The following ARL15 variants were observed in gnomAD, a reference collection of about 807,000 sequenced individuals.
ARL15 encodes ARF like GTPase 15.
In ARL15, 19 loss-of-function variants were observed where a neutral mutation model predicts 25.2. The ratio of observed to expected loss-of-function variants is 0.75; its 90% CI spans 0.53 to 1.10. The LOEUF is 1.10. Among genes scored for constraint, ARL15 ranks in the 50% least tolerant of loss-of-function variants. The pLI is 0.00. For synonymous variants in ARL15, 94 were observed against 86.8 expected (o/e 1.08, Z -0.46); for missense variants, 220 against 246.0 (o/e 0.89, Z 0.71).
intron 4 of ARL15, among the ~76,000 whole-genome samples, chr5:53,902,346 G>A (rs1437138933): frequency 1.3e-5 from 2 of 152,116 alleles, no homozygotes; most frequent in East Asian, 1.9e-4. Context: ...ACTGTCAATT[G>A]GCCAACTCAA....
intron 1 of ARL15, among the ~76,000 whole-genome samples, chr5:54,198,877 C>G (rs1029937814): frequency 2.6e-5 from 4 of 152,076 alleles, no homozygotes; most frequent in Admixed American, 2.0e-4. Context: ...GGAGGCATCA[C>G]GCTATCTGAC....
At chr5:54,029,092 A>G (rs972978824) in intron 4 of ARL15, among the ~76,000 whole-genome samples, 2 of 151,940 alleles carry the variant, frequency 1.3e-5, no homozygotes, top group African/African-American at 4.8e-5. Context: ...GTTGTTTTAG[A>G]TTGCAGGTTC....
At chr5:54,055,352 CTTTTTTTTT>C (rs147040538) in intron 4 of ARL15, among the ~76,000 whole-genome samples, 13 of 55,360 alleles carry the variant, frequency 2.3e-4, no homozygotes, top group Non-Finnish European at 2.2e-4. Context: ...ATCATCATTC[CTTTTTTTTT>C]TTTTTTTTTT....
intron 4 of ARL15, among the ~76,000 whole-genome samples, chr5:53,926,093 A>G (rs1196086722): frequency 2.7e-5 from 4 of 147,876 alleles, no homozygotes; most frequent in Non-Finnish European, 5.9e-5. Context: ...CAAGTATCTT[A>G]TTGTATCAGG....
intron 2 of ARL15, among the ~76,000 whole-genome samples, chr5:54,156,870 A>G (rs1214912610): frequency 6.6e-6 from 1 of 152,192 alleles, no homozygotes; most frequent in Non-Finnish European, 1.5e-5. Context: ...GCCTGCAGGA[A>G]AGCCTCTCCA....
At chr5:54,163,354 AGCTTTTTTTTT>A (rs1425089874) in intron 2 of ARL15, among the ~76,000 whole-genome samples, 2 of 63,092 alleles carry the variant, frequency 3.2e-5, no homozygotes, top group East Asian at 5.1e-4. Flanking sequence ...ATTGGTATGA[AGCTTTTTTTTT>A]TTTTTTTTTT....
chr5:53,967,272 C>T (rs1278039711), intron 4 of ARL15, among the ~76,000 whole-genome samples: 2 of 152,060 alleles, frequency 1.3e-5, no homozygotes, highest in Admixed American at 6.6e-5. Flanking sequence ...CTTAGACTTC[C>T]GTGTACACAC....
At chr5:54,224,804 A>T (rs183608079) in intron 1 of ARL15, among the ~76,000 whole-genome samples, 40 of 152,064 alleles carry the variant, frequency 2.6e-4, no homozygotes, top group African/African-American at 8.7e-4. Context: ...CCAATGTTTT[A>T]AAAAAAATAA....
intron 4 of ARL15, among the ~76,000 whole-genome samples, chr5:53,975,371 A>G (rs542520933): frequency 2.0e-5 from 3 of 152,256 alleles, no homozygotes; most frequent in African/African-American, 7.2e-5. Flanking sequence ...TAATCTAAGC[A>G]CTGTATTCAA....
intron 4 of ARL15, among the ~76,000 whole-genome samples, chr5:53,964,071 T>G (rs1166299878): frequency 6.6e-6 from 1 of 152,154 alleles, no homozygotes; most frequent in African/African-American, 2.4e-5. Context: ...AGGCCAACTG[T>G]GCAGAATACT....
At chr5:54,295,260 C>A (rs925627595) in intron 1 of ARL15, among the ~76,000 whole-genome samples, 2 of 152,112 alleles carry the variant, frequency 1.3e-5, no homozygotes, top group Admixed American at 6.5e-5. Context: ...ACAGGAAGAA[C>A]TCAGAAGACA....
intron 1 of ARL15, among the ~76,000 whole-genome samples, chr5:54,245,634 C>T (rs1408614615): frequency 6.6e-6 from 1 of 152,006 alleles, no homozygotes; most frequent in Non-Finnish European, 1.5e-5. Flanking sequence ...GCTGTCCAGG[C>T]TAGAGTGCAC....
At chr5:54,123,765 A>ATC (rs1181501408) in intron 3 of ARL15, among the ~76,000 whole-genome samples, 7 of 152,216 alleles carry the variant, frequency 4.6e-5, no homozygotes, top group Non-Finnish European at 1.0e-4. Flanking sequence ...CCAACCTTCT[A>ATC]TCTTATGCTC....
rs879811735 is a variant in ARL15, at chr5:54,253,593, AT to A, written c.48+56838del. 3.1e-3 allele frequency among the ~76,000 whole-genome samples: 460 copies of A among 148,096 alleles called. 2 individuals are homozygous for A. Among genetic ancestry groups the A allele is most frequent in the African/African-American group, 9.8e-3 (398 of 40,488 alleles). ...TTATGTAATTGACTTAAGGAATCAG[AT>A]TTTTTTTTTTTCTTTGAGACAGGGT... On this transcript the variant is annotated intron_variant, in intron 1 of 4. Transcript: ENST00000504924.
At chr5:54,247,597 C>T (rs977828600) in intron 1 of ARL15, among the ~76,000 whole-genome samples, 20 of 150,820 alleles carry the variant, frequency 1.3e-4, no homozygotes, top group African/African-American at 4.6e-4. Context: ...AAAAAAAACC[C>T]GAACACGTTT....
intron 1 of ARL15, among the ~76,000 whole-genome samples, chr5:54,243,045 C>T (rs1484468821): frequency 6.6e-6 from 1 of 152,136 alleles, no homozygotes; most frequent in Non-Finnish European, 1.5e-5. Context: ...ATTGCTACAA[C>T]AATTTTTGAA....
intron 4 of ARL15, among the ~76,000 whole-genome samples, chr5:54,040,950 C>T (rs574133511): frequency 9.9e-4 from 150 of 152,270 alleles, no homozygotes; most frequent in African/African-American, 3.5e-3. Context: ...TCCTCAGGAC[C>T]TTATTTTATT....
chr5:54,218,967 G>A (rs998352748), intron 1 of ARL15, among the ~76,000 whole-genome samples: 13 of 141,210 alleles, frequency 9.2e-5, no homozygotes, highest in Admixed American at 1.5e-4. Context: ...AACGTTTTAC[G>A]GAAAAACTGC....
At chr5:54,282,386 C>T in intron 1 of ARL15, 1 of 985,414 alleles carries the variant, frequency 1.0e-6, no homozygotes, top group Non-Finnish European at 1.2e-6. Context: ...GAACTGTCTT[C>T]ATTCCCCTTG....
Sources: allele counts gnomAD v4.1 joint callset (sites outside exome capture counted in the v4.1 genomes callset), GRCh38; gene constraint gnomAD v4.1.1; transcripts MANE v1.5; gene names NCBI Gene and HGNC (gene_info 2026-07-23, HGNC 2026-07-21).